PCLO: variants seen among roughly 807,000 people sequenced by gnomAD.
PCLO encodes the protein protein piccolo.
PCLO carries 82 observed loss-of-function variants against 427.5 expected under a neutral mutation model. The ratio of observed to expected loss-of-function variants is 0.19; its 90% CI spans 0.16 to 0.23. PCLO has a LOEUF of 0.23. Among genes scored for constraint, PCLO ranks in the 10% least tolerant of loss-of-function variants. PCLO has a pLI of 1.00. For missense variants in PCLO, 6,239 were observed against 6,115.9 expected, an observed-to-expected ratio of 1.02 and a Z score of -0.67; for synonymous variants, 2,357 against 2,155.4, an observed-to-expected ratio of 1.09 and a Z score of -2.59.
rs555142161 is a variant in PCLO, at chr7:83,063,361, G to T, written c.3300+70889C>A. Among the ~76,000 whole-genome samples, 4 of 152,064 alleles carry T rather than the reference G, an allele frequency of 2.6e-5. No homozygotes were observed. The South Asian group carries it at 8.3e-4, about 31-fold the overall frequency. The stretch of plus-strand genomic sequence containing the variant: ...TTGTTAATTCCTGAAAATATAGAAG[G>T]TCCCTGTTTTATGATGTCTGACTTG... On this transcript the variant is annotated intron_variant, in intron 3 of 24. Coordinates refer to ENST00000333891, the MANE Select transcript of PCLO (RefSeq NM_033026.6).
intron 16 of PCLO, among the ~76,000 whole-genome samples, chr7:82,829,571 A>G (rs1371635947): frequency 2.0e-5 from 3 of 152,170 alleles, no homozygotes; most frequent in Non-Finnish European, 2.9e-5. Flanking sequence ...GTCACTCAAG[A>G]TAAATTACAA....
At chr7:83,124,952 C>T (rs554561694) in intron 3 of PCLO, among the ~76,000 whole-genome samples, 163 of 152,298 alleles carry the variant, frequency 1.1e-3, no homozygotes, top group African/African-American at 2.2e-3. Flanking sequence ...GACGCGGTTT[C>T]GCCGTGTTGG....
At chr7:83,040,141 T>A (rs1322856167) in intron 3 of PCLO, among the ~76,000 whole-genome samples, 1 of 152,150 alleles carries the variant, frequency 6.6e-6, no homozygotes, top group African/African-American at 2.4e-5. Context: ...TGCATAATTT[T>A]TTGTTAGAAT....
At chr7:83,078,843 T>C (rs750332320) in intron 3 of PCLO, among the ~76,000 whole-genome samples, 16 of 152,218 alleles carry the variant, frequency 1.1e-4, no homozygotes, top group Non-Finnish European at 2.1e-4. Flanking sequence ...GCCACTAGCA[T>C]TAATTATTAA....
chr7:83,003,053 C>CA (rs1405875107), intron 3 of PCLO, among the ~76,000 whole-genome samples: 1 of 151,462 alleles, frequency 6.6e-6, no homozygotes, highest in Non-Finnish European at 1.5e-5. Flanking sequence ...CATATCTTCA[C>CA]ATTTTAAGTG....
chr7:83,154,663 G>A, intron 2 of PCLO, 85 bp downstream of exon 2: 3 of 981,252 alleles, frequency 3.1e-6, no homozygotes, highest in Non-Finnish European at 4.7e-6. Context: ...ATGCCATCAT[G>A]TCATATATGT....
chr7:82,895,688 G>T (rs1793887096), intron 9 of PCLO, among the ~76,000 whole-genome samples: 1 of 151,870 alleles, frequency 6.6e-6, no homozygotes, highest in Non-Finnish European at 1.5e-5. Context: ...GAATACATTT[G>T]TGACAATAGT....
intron 9 of PCLO, among the ~76,000 whole-genome samples, chr7:82,888,544 C>G (rs1338438154): frequency 6.6e-6 from 1 of 152,086 alleles, no homozygotes. Flanking sequence ...TTCTGTGTAT[C>G]TTATTCATTC....
At chr7:82,997,915 C>T (rs1380300971) in intron 3 of PCLO, among the ~76,000 whole-genome samples, 1 of 151,896 alleles carries the variant, frequency 6.6e-6, no homozygotes, top group African/African-American at 2.4e-5. Flanking sequence ...GTTTTTTGTT[C>T]ATCTCCATGT....
chr7:82,776,701 G>A (rs1232240084), intron 22 of PCLO, among the ~76,000 whole-genome samples: 1 of 151,934 alleles, frequency 6.6e-6, no homozygotes, highest in South Asian at 2.1e-4. Flanking sequence ...AGGCTGAAGC[G>A]GGAGAATCGC....
intron 10 of PCLO, among the ~76,000 whole-genome samples, chr7:82,866,354 T>G (rs188357692): frequency 1.8e-4 from 27 of 152,098 alleles, no homozygotes; most frequent in Admixed American, 1.7e-3. Context: ...ATGAGATATA[T>G]TTAACATTTA....
At chr7:83,087,080 A>G (rs1584003692) in intron 3 of PCLO, among the ~76,000 whole-genome samples, 3 of 112,260 alleles carry the variant, frequency 2.7e-5, no homozygotes, top group Non-Finnish European at 1.8e-5. Flanking sequence ...GGGTGGGGGG[A>G]AGGGGGAGGG....
rs1787765400 is a variant in PCLO at position 82,999,801 on chromosome 7, A to AAAATATAATAT, written c.3301-33315_3301-33314insATATTATATTT. Among the ~76,000 whole-genome samples, 2 of 110,682 alleles carry AAAATATAATAT rather than the reference A, an allele frequency of 1.8e-5. 1 individual carries two copies. 72.6% of individuals were successfully genotyped at this position (110,682 alleles called of 152,430 possible). A position where few individuals can be genotyped will look rare whatever the true frequency, so the allele number is the denominator to read the frequency against. Reference sequence around the variant, plus strand: ...ATATTATATATAAAATATAATATATAATATTATATATAAAATATAATATAT... The same window carrying AAAATATAATAT: ...ATATTATATATAAAATATAATATATAAAATATAATATATATTATATATAAAATATAATATAT... On this transcript the variant is annotated intron_variant, in intron 3 of 24. Coordinates refer to ENST00000333891, the MANE Select transcript of PCLO (RefSeq NM_033026.6).
chr7:83,055,509 T>C (rs1001245860), intron 3 of PCLO, among the ~76,000 whole-genome samples: 3 of 152,136 alleles, frequency 2.0e-5, no homozygotes, highest in African/African-American at 7.2e-5. Flanking sequence ...CCAGTGTGCA[T>C]GTGGACTTTT....
chr7:82,861,511 T>C (rs1305661460), intron 10 of PCLO, among the ~76,000 whole-genome samples: 1 of 152,148 alleles, frequency 6.6e-6, no homozygotes, highest in East Asian at 1.9e-4. Context: ...GAAATATTGT[T>C]AGAGCTAAAG....
chr7:82,814,521 A>G (rs1178129319), intron 20 of PCLO, among the ~76,000 whole-genome samples: 2 of 151,066 alleles, frequency 1.3e-5, no homozygotes, highest in Non-Finnish European at 3.0e-5. Context: ...AATTTAATAT[A>G]CTTAAATGTT....
chr7:83,155,614 C>T lies in PCLO; in HGVS notation c.1027G>A (p.Ala343Thr). The change falls in exon 2 of 25, where the codon GCT becomes ACT. Residue 343 changes from alanine (A) to threonine (T), a missense_variant. Physicochemically the swap from Ala to Thr is moderately conservative, Grantham distance 58. This residue lies in a region of PCLO where 4,677 missense variants were observed against 4,468.4 expected (regional missense o/e 1.05). Coordinates refer to ENST00000333891, the MANE Select transcript of PCLO (RefSeq NM_033026.6). ...AQPSGLTKPL[A>T]QQPGTVKPPV... ...GGTTTCACTGTCCCTGGTTGTTGAG[C>T]CAATGGCTTTGTTAGCCCTGAGGGC... The T allele has an allele frequency of 6.2e-7, 1 of 1,613,372 alleles. No homozygotes were observed.
intron 3 of PCLO, among the ~76,000 whole-genome samples, chr7:83,108,635 C>G (rs1790927092): frequency 6.6e-6 from 1 of 151,956 alleles, no homozygotes; most frequent in African/African-American, 2.4e-5. Flanking sequence ...ATTAAAGTCA[C>G]AAAGAGATGA....
intron 3 of PCLO, among the ~76,000 whole-genome samples, chr7:83,045,736 G>C (rs1259486486): frequency 2.6e-5 from 4 of 152,078 alleles, no homozygotes; most frequent in Non-Finnish European, 5.9e-5. Flanking sequence ...GGATGATCTA[G>C]AAGATATATT....
Sources: gnomAD v4.1 joint callset for allele counts (sites outside exome capture counted in the v4.1 genomes callset) on GRCh38, gnomAD v4.1.1 for gene constraint, gnomAD v4.1.1 regional missense constraint, MANE v1.5 for transcripts, NCBI Gene and HGNC (gene_info 2026-07-23, HGNC 2026-07-21) for gene names.